The following GRAMD2B variants were observed in gnomAD, a reference collection of about 807,000 sequenced individuals.
The protein encoded by GRAMD2B is GRAM domain containing 2B.
A neutral mutation model predicts 59.2 loss-of-function variants in GRAMD2B; 41 were observed. The ratio of observed to expected loss-of-function variants is 0.69; its 90% confidence interval spans 0.54 to 0.90. GRAMD2B has a LOEUF of 0.90. GRAMD2B is among the 40% of genes least tolerant of loss of function. The pLI is 0.00. For synonymous variants in GRAMD2B, 161 were observed against 182.7 expected, an observed-to-expected ratio of 0.88 and a Z score of 0.96; for missense variants, 424 against 500.5, an observed-to-expected ratio of 0.85 and a Z score of 1.46.
intron 1 of GRAMD2B, among the ~76,000 whole-genome samples, chr5:126,417,834 C>G (rs1054669543): frequency 2.0e-5 from 3 of 152,184 alleles, no homozygotes; most frequent in Non-Finnish European, 2.9e-5. Context: ...GGCACATTCA[C>G]TCTCCTACAA....
At chr5:126,475,175 G>C (rs1476579141) in intron 5 of GRAMD2B, among the ~76,000 whole-genome samples, 3 of 152,176 alleles carry the variant, frequency 2.0e-5, no homozygotes, top group African/African-American at 7.2e-5. Context: ...TTTTTAGTCA[G>C]CCTGTCGGTA....
upstream of GRAMD2B, among the ~76,000 whole-genome samples, chr5:126,370,864 G>A (rs1396423267): frequency 6.6e-6 from 1 of 152,210 alleles, no homozygotes; most frequent in African/African-American, 2.4e-5. Flanking sequence ...TTGACTTTGT[G>A]TATATCACTT....
intron 1 of GRAMD2B, among the ~76,000 whole-genome samples, chr5:126,381,523 G>A (rs1755653953): frequency 6.6e-6 from 1 of 152,064 alleles, no homozygotes; most frequent in Admixed American, 6.5e-5. Context: ...CTTACTTTTG[G>A]TGTCCATTTG....
chr5:126,363,431 T>C (rs1030285782), intron 1 of GRAMD2B, among the ~76,000 whole-genome samples: 2 of 152,156 alleles, frequency 1.3e-5, no homozygotes, highest in African/African-American at 4.8e-5. Flanking sequence ...AAAAGTTAAA[T>C]ATAGCAATTT....
intron 1 of GRAMD2B, among the ~76,000 whole-genome samples, chr5:126,376,565 C>T (rs1755205249): frequency 6.6e-6 from 1 of 152,218 alleles, no homozygotes; most frequent in Non-Finnish European, 1.5e-5. Context: ...GACAGGAGCA[C>T]TCTATGGCAC....
intron 1 of GRAMD2B, among the ~76,000 whole-genome samples, chr5:126,401,950 A>G (rs925759799): frequency 1.6e-4 from 24 of 152,070 alleles, no homozygotes; most frequent in African/African-American, 5.8e-4. Context: ...CCAGCAAGTG[A>G]CACAGCAAAT....
upstream of GRAMD2B, among the ~76,000 whole-genome samples, chr5:126,366,739 G>A (rs1338566760): frequency 6.6e-6 from 1 of 151,688 alleles, no homozygotes; most frequent in South Asian, 2.1e-4. Flanking sequence ...CCACAGGAAT[G>A]TGGATATATT....
intron 1 of GRAMD2B, among the ~76,000 whole-genome samples, chr5:126,451,308 G>A (rs1027314872): frequency 6.6e-6 from 1 of 152,196 alleles, no homozygotes; most frequent in African/African-American, 2.4e-5. Flanking sequence ...CTGACACTGG[G>A]TGATTTATAA....
At chr5:126,491,676 A>C (rs554534419) in intron 13 of GRAMD2B, among the ~76,000 whole-genome samples, 1 of 151,686 alleles carries the variant, frequency 6.6e-6, no homozygotes, top group Non-Finnish European at 1.5e-5. Flanking sequence ...CAAGGTTTCT[A>C]CTCCCATCAC....
At chr5:126,491,046 G>A (rs985312865) in intron 13 of GRAMD2B, among the ~76,000 whole-genome samples, 4 of 152,130 alleles carry the variant, frequency 2.6e-5, no homozygotes, top group African/African-American at 7.2e-5. Context: ...GGATCTCATT[G>A]TGGTTTTTGC....
chr5:126,406,365 T>A (rs894908561), intron 1 of GRAMD2B, among the ~76,000 whole-genome samples: 1 of 151,608 alleles, frequency 6.6e-6, no homozygotes. Context: ...TAAAAATAAA[T>A]AAATAAAAAT....
intron 1 of GRAMD2B, among the ~76,000 whole-genome samples, chr5:126,400,401 T>A (rs1757720036): frequency 6.6e-6 from 1 of 152,148 alleles, no homozygotes; most frequent in African/African-American, 2.4e-5. Context: ...TCTATTAATA[T>A]CATGTATCTA....
intron 1 of GRAMD2B, among the ~76,000 whole-genome samples, chr5:126,428,096 G>C (rs1760923162): frequency 6.6e-6 from 1 of 152,088 alleles, no homozygotes; most frequent in Admixed American, 6.5e-5. Flanking sequence ...AACCAGGCGT[G>C]ATGGTTCATG....
chr5:126,419,763 C>G (rs1399204998), upstream of GRAMD2B, among the ~76,000 whole-genome samples: 1 of 152,064 alleles, frequency 6.6e-6, no homozygotes, highest in Non-Finnish European at 1.5e-5. Context: ...AGCTAGAAAT[C>G]TTCTTTGCTT....
In GRAMD2B at chr5:126,412,712, G is replaced by C. The variant is rs1384760510; in HGVS notation, c.125+41145G>C. ...CCAGCTCTTCGTTGTATTTCTGGTA[G>C]AATTTGGCTATAACTCCATCTGATC... On this transcript the variant is annotated intron_variant, in intron 1 of 8. Transcript: ENST00000506445. 3.9e-5 allele frequency among the ~76,000 whole-genome samples: 6 copies of C among 152,158 alleles called. No individual in the cohort carries two copies. The East Asian group carries it at 1.2e-3, about 29-fold the overall frequency.
At chr5:126,432,246 C>A (rs960746488) in intron 1 of GRAMD2B, among the ~76,000 whole-genome samples, 6 of 152,146 alleles carry the variant, frequency 3.9e-5, no homozygotes, top group African/African-American at 1.4e-4. Flanking sequence ...AGATGTTGAT[C>A]TGTGTATACA....
chr5:126,491,978 C>T (rs1774020057), intron 13 of GRAMD2B, among the ~76,000 whole-genome samples: 1 of 152,186 alleles, frequency 6.6e-6, no homozygotes. Context: ...CGTGATCTGC[C>T]CACTTCATCC....
chr5:126,407,979 G>A (rs2149750799), intron 1 of GRAMD2B, among the ~76,000 whole-genome samples: 1 of 151,400 alleles, frequency 6.6e-6, no homozygotes, highest in Non-Finnish European at 1.5e-5. Flanking sequence ...TTTTAGACTT[G>A]GGGTTCATGT....
chr5:126,477,650 T>C, intron 5 of GRAMD2B, 42 bp from the exon 6 acceptor site: 1 of 1,038,454 alleles, frequency 9.6e-7, no homozygotes, highest in South Asian at 1.3e-5. Context: ...AGTGCTGTTC[T>C]GTCAAGTCTG....
Sources: allele counts gnomAD v4.1 joint callset (sites outside exome capture counted in the v4.1 genomes callset), GRCh38; gene constraint gnomAD v4.1.1; transcripts MANE v1.5; gene names NCBI Gene and HGNC (gene_info 2026-07-23, HGNC 2026-07-21).